The following SEMA6D variants were observed in gnomAD, a reference collection of about 807,000 sequenced individuals.
SEMA6D encodes semaphorin-6D.
A neutral mutation model predicts 106.6 loss-of-function variants in SEMA6D; 35 were observed. The ratio of observed to expected loss-of-function variants is 0.33; its 90% confidence interval spans 0.25 to 0.44. SEMA6D has a LOEUF of 0.44. Ranked by LOEUF, SEMA6D falls within the 20% of genes least tolerant of loss-of-function variation. The pLI, the probability that SEMA6D is intolerant of heterozygous loss-of-function variation, is 1.00. For missense variants in SEMA6D, 1,185 were observed against 1,345.9 expected (o/e 0.88, Z 1.87); for synonymous variants, 499 against 487.7 (o/e 1.02, Z -0.31).
intron 4 of SEMA6D, among the ~76,000 whole-genome samples, chr15:47,610,392 T>C (rs2143825907): frequency 6.6e-6 from 1 of 152,350 alleles, no homozygotes; most frequent in East Asian, 1.9e-4. Flanking sequence ...TTTATTTGAA[T>C]TCCAACAGTG....
At chr15:47,231,279 T>C (rs2032178285) in intron 1 of SEMA6D, among the ~76,000 whole-genome samples, 1 of 152,008 alleles carries the variant, frequency 6.6e-6, no homozygotes, top group Non-Finnish European at 1.5e-5. Flanking sequence ...TTGTCTTGAC[T>C]GATCCTAAAA....
At chr15:47,526,777 C>A (rs1215205744) in intron 3 of SEMA6D, among the ~76,000 whole-genome samples, 6 of 152,040 alleles carry the variant, frequency 3.9e-5, no homozygotes, top group African/African-American at 1.4e-4. Context: ...CGCACTGTCA[C>A]CTAGGCTGGA....
chr15:47,740,801 C>G (rs988191502), intron 1 of SEMA6D, among the ~76,000 whole-genome samples: 5 of 152,066 alleles, frequency 3.3e-5, no homozygotes, highest in Non-Finnish European at 7.4e-5. Flanking sequence ...TGCCTGGAGA[C>G]AAAGGCTTGA....
intron 1 of SEMA6D, among the ~76,000 whole-genome samples, chr15:47,398,708 T>A (rs893837886): frequency 6.6e-6 from 1 of 152,106 alleles, no homozygotes; most frequent in African/African-American, 2.4e-5. Context: ...GGAAGTGATA[T>A]CAGAAAGTGC....
intron 1 of SEMA6D, among the ~76,000 whole-genome samples, chr15:47,186,357 GA>G (rs1893571409): frequency 6.6e-6 from 1 of 152,110 alleles, no homozygotes; most frequent in Admixed American, 6.5e-5. Flanking sequence ...TTATTCCAAG[GA>G]GAGAAGAGAG....
chr15:47,327,730 G>A (rs939503372), intron 1 of SEMA6D, among the ~76,000 whole-genome samples: 7 of 152,138 alleles, frequency 4.6e-5, no homozygotes, highest in East Asian at 1.9e-4. Context: ...GGGAAATACC[G>A]TTGGTAGTGG....
intron 1 of SEMA6D, among the ~76,000 whole-genome samples, chr15:47,410,279 G>A (rs972789135): frequency 1.3e-5 from 2 of 152,116 alleles, no homozygotes; most frequent in Admixed American, 6.5e-5. Flanking sequence ...CACTGCACCT[G>A]GCTAGAACGT....
chr15:47,678,645 T>C (rs2078290761), intron 4 of SEMA6D, among the ~76,000 whole-genome samples: 1 of 151,684 alleles, frequency 6.6e-6, no homozygotes, highest in African/African-American at 2.4e-5. Context: ...TTTCTTATCC[T>C]AACCTTTTTT....
At chr15:47,723,510 G>T (rs2079546923) in intron 1 of SEMA6D, among the ~76,000 whole-genome samples, 1 of 152,184 alleles carries the variant, frequency 6.6e-6, no homozygotes, top group Admixed American at 6.5e-5. Flanking sequence ...AGCAAAGACA[G>T]TGAGAGCTGC....
At chr15:47,643,340 GCA>G (rs1566955190) in intron 4 of SEMA6D, among the ~76,000 whole-genome samples, 1 of 152,154 alleles carries the variant, frequency 6.6e-6, no homozygotes, top group Admixed American at 6.6e-5. Context: ...ATATCTTGTT[GCA>G]CAGTGTAGAC....
At chr15:47,741,397 C>A (rs2080805239) in intron 1 of SEMA6D, among the ~76,000 whole-genome samples, 1 of 152,178 alleles carries the variant, frequency 6.6e-6, no homozygotes, top group Non-Finnish European at 1.5e-5. Context: ...ACGTATTAAA[C>A]CTAATTCCAG....
chr15:47,388,003 A>G (rs2039898847), intron 1 of SEMA6D, among the ~76,000 whole-genome samples: 2 of 152,224 alleles, frequency 1.3e-5, no homozygotes, highest in South Asian at 4.1e-4. Context: ...AAACTATATT[A>G]GTATTTTAAG....
chr15:47,761,049 G>A lies in SEMA6D; in HGVS notation c.282+11G>A, dbSNP rs763650475. On this transcript the variant is annotated intron_variant, in intron 4 of 18. Transcript: ENST00000536845. ...GTAATACCCAACAAGGTGAGCAACT[G>A]TAGTTGGCAAATTTATTTACCTTCC... 2.0e-5 allele frequency: 32 copies of A among 1,613,070 alleles called. No individual in the cohort carries two copies. The highest frequency in any genetic ancestry group is 2.7e-5 in the African/African-American group (2 of 74,854).
At position 47,735,850 on chromosome 15, in the gene SEMA6D, A is replaced by G. The variant is rs574776987; in HGVS notation, c.-55+18158A>G. Reference sequence around the variant, plus strand: ...TATCAAGCCAATTAAGATCAAACCTATGATGCTTAGTTGTACACATTTCAT... The same window carrying G: ...TATCAAGCCAATTAAGATCAAACCTGTGATGCTTAGTTGTACACATTTCAT... On this transcript the variant is annotated intron_variant, in intron 1 of 18. Coordinates refer to ENST00000536845, the MANE Select transcript of SEMA6D (RefSeq NM_001358351.3). Among the ~76,000 whole-genome samples, 6 of 152,334 alleles carry G rather than the reference A, an allele frequency of 3.9e-5. No individual in the cohort carries two copies. The East Asian group carries it at 1.2e-3, about 29-fold the overall frequency.
chr15:47,703,242 A>G (rs891579197), intron 4 of SEMA6D, among the ~76,000 whole-genome samples: 2 of 152,166 alleles, frequency 1.3e-5, no homozygotes, highest in East Asian at 3.8e-4. Context: ...TTAATTTTAG[A>G]TCACTGCAAT....
chr15:47,551,437 A>G (rs1218644151), intron 3 of SEMA6D, among the ~76,000 whole-genome samples: 1 of 152,214 alleles, frequency 6.6e-6, no homozygotes, highest in Non-Finnish European at 1.5e-5. Context: ...AGTAATACAC[A>G]CAGACTGGTG....
intron 3 of SEMA6D, among the ~76,000 whole-genome samples, chr15:47,552,953 G>A (rs1233506000): frequency 2.3e-5 from 3 of 131,150 alleles, no homozygotes; most frequent in Admixed American, 8.7e-5. Context: ...ACCCAGGCTG[G>A]AGTGTAGTAA....
At chr15:47,633,816 C>G (rs2077333264) in intron 4 of SEMA6D, among the ~76,000 whole-genome samples, 1 of 152,096 alleles carries the variant, frequency 6.6e-6, no homozygotes, top group African/African-American at 2.4e-5. Flanking sequence ...TTAATTTTTT[C>G]AGTGCATTTT....
chr15:47,365,890 G>GAGGAGAGAGAGAGA (rs1346586280), intron 1 of SEMA6D, among the ~76,000 whole-genome samples: 3 of 119,744 alleles, frequency 2.5e-5, no homozygotes, highest in African/African-American at 1.1e-4. Context: ...GAGAGAGAGA[G>GAGGAGAGAGAGAGA]GAGAGAGAGA....
Sources: allele counts gnomAD v4.1 joint callset (sites outside exome capture counted in the v4.1 genomes callset), GRCh38; gene constraint gnomAD v4.1.1; transcripts MANE v1.5; gene names NCBI Gene and HGNC (gene_info 2026-07-23, HGNC 2026-07-21).